The following DNAJC1 variants were observed in gnomAD, a reference collection of about 807,000 sequenced individuals.
DNAJC1 encodes the protein DnaJ heat shock protein family (Hsp40) member C1, also known as dnaJ homolog subfamily C member 1.
Under a neutral mutation model 76.6 loss-of-function variants are expected in DNAJC1, and 58 were observed. That is an observed-to-expected ratio of 0.76 (90% CI 0.61 to 0.94). The LOEUF (loss-of-function observed/expected upper bound fraction) is 0.94, where lower values mean the gene tolerates loss of function less well. Among genes scored for constraint, DNAJC1 ranks in the 40% least tolerant of loss-of-function variants. DNAJC1 has a pLI of 0.00. For synonymous variants in DNAJC1, 258 were observed against 267.9 expected (o/e 0.96, Z 0.36); for missense variants, 689 against 677.3 (o/e 1.02, Z -0.19).
chr10:21,879,169 T>G (rs1320733406), intron 8 of DNAJC1, among the ~76,000 whole-genome samples: 1 of 152,196 alleles, frequency 6.6e-6, no homozygotes, highest in Admixed American at 6.5e-5. Context: ...TCATTGAACT[T>G]GGCAATGGTT....
intron 9 of DNAJC1, among the ~76,000 whole-genome samples, chr10:21,799,493 A>G (rs1249691927): frequency 2.6e-5 from 4 of 152,022 alleles, no homozygotes; most frequent in Admixed American, 2.6e-4. Context: ...GTAAAGATGA[A>G]GGTTTCCCTA....
At chr10:21,936,293 T>C (rs529558613) in intron 1 of DNAJC1, among the ~76,000 whole-genome samples, 26 of 152,340 alleles carry the variant, frequency 1.7e-4, no homozygotes, top group Admixed American at 5.2e-4. Flanking sequence ...TCCCAGTCTC[T>C]AGAACCGTGA....
At chr10:21,825,113 CA>C (rs1306215715) in intron 8 of DNAJC1, among the ~76,000 whole-genome samples, 1 of 152,154 alleles carries the variant, frequency 6.6e-6, no homozygotes, top group African/African-American at 2.4e-5. Context: ...GTGCACCATT[CA>C]GTGGCATTAA....
chr10:21,990,928 A>G (rs1429583631), intron 1 of DNAJC1, among the ~76,000 whole-genome samples: 1 of 152,180 alleles, frequency 6.6e-6, no homozygotes, highest in Non-Finnish European at 1.5e-5. Flanking sequence ...ATCGTTAATT[A>G]ATCATTCAGT....
At chr10:21,798,767 T>C (rs921486628) in intron 9 of DNAJC1, among the ~76,000 whole-genome samples, 5 of 152,266 alleles carry the variant, frequency 3.3e-5, no homozygotes. Flanking sequence ...CTGGGTTCTT[T>C]CTAGCCTGTT....
intron 8 of DNAJC1, among the ~76,000 whole-genome samples, chr10:21,838,053 G>A (rs1387178021): frequency 2.7e-5 from 4 of 149,456 alleles, no homozygotes; most frequent in Non-Finnish European, 5.9e-5. Context: ...GGTGGGGGGC[G>A]CCTCTGCCTG....
At position 21,912,527 on chromosome 10, in the gene DNAJC1, C is replaced by T. The variant is rs116560173; in HGVS notation, c.729+6252G>A. On this transcript the variant is annotated intron_variant, in intron 6 of 11. Transcript: ENST00000376980. The stretch of plus-strand genomic sequence containing the variant: ...TTCCAGTTTGCCTGTATCCCTTTGT[C>T]CTGTAGCAGTAGTTTCAGCTTATAA... 2.8e-3 allele frequency among the ~76,000 whole-genome samples: 429 copies of T among 152,202 alleles called. 1 individual carries two copies. The highest frequency in any genetic ancestry group is 0.01 in the African/African-American group (418 of 41,514).
intron 9 of DNAJC1, among the ~76,000 whole-genome samples, chr10:21,795,581 A>G (rs1834742285): frequency 6.6e-6 from 1 of 152,218 alleles, no homozygotes; most frequent in South Asian, 2.1e-4. Flanking sequence ...GGATTGAGGG[A>G]ACACTTCGGG....
chr10:21,902,027 T>C (rs1184298451), intron 7 of DNAJC1, among the ~76,000 whole-genome samples: 2 of 152,212 alleles, frequency 1.3e-5, no homozygotes, highest in Admixed American at 1.3e-4. Context: ...CAGTCTGACA[T>C]TGTTAACAGT....
intron 1 of DNAJC1, among the ~76,000 whole-genome samples, chr10:21,979,700 T>C (rs962148721): frequency 1.3e-5 from 2 of 151,904 alleles, no homozygotes; most frequent in Non-Finnish European, 2.9e-5. Context: ...GATATCCTTA[T>C]TTATAATTTT....
intron 7 of DNAJC1, among the ~76,000 whole-genome samples, chr10:21,899,328 G>C (rs1836604563): frequency 6.6e-6 from 1 of 152,202 alleles, no homozygotes; most frequent in Non-Finnish European, 1.5e-5. Context: ...TGAATCCAGG[G>C]AGACAAGCAG....
chr10:21,906,966 T>C (rs929108697), intron 6 of DNAJC1, among the ~76,000 whole-genome samples: 4 of 152,112 alleles, frequency 2.6e-5, no homozygotes, highest in African/African-American at 4.8e-5. Flanking sequence ...TCACCAAAAT[T>C]CCCCTGCCAA....
chr10:21,764,210 G>C (rs775740184), intron 10 of DNAJC1, among the ~76,000 whole-genome samples: 16 of 152,166 alleles, frequency 1.1e-4, no homozygotes, highest in Non-Finnish European at 1.9e-4. Flanking sequence ...CCATTAAGAA[G>C]ATGATACAGA....
chr10:21,843,774 C>CT (rs1479933184), intron 8 of DNAJC1, among the ~76,000 whole-genome samples: 3 of 150,838 alleles, frequency 2.0e-5, no homozygotes, highest in East Asian at 3.9e-4. Flanking sequence ...AAGTCTCACT[C>CT]TGTCATCCAG....
At chr10:21,932,397 A>C (rs749394515) in intron 1 of DNAJC1, among the ~76,000 whole-genome samples, 2 of 152,214 alleles carry the variant, frequency 1.3e-5, no homozygotes, top group African/African-American at 2.4e-5. Context: ...AATGGAAACA[A>C]TGCAATGGCA....
At chr10:21,914,873 T>C (rs921347807) in intron 6 of DNAJC1, among the ~76,000 whole-genome samples, 19 of 152,310 alleles carry the variant, frequency 1.2e-4, no homozygotes, top group African/African-American at 4.6e-4. Context: ...TTTTTAGTTT[T>C]CTTTGGTCAT....
chr10:21,939,833 A>T (rs1312686104), intron 1 of DNAJC1, among the ~76,000 whole-genome samples: 2 of 151,690 alleles, frequency 1.3e-5, no homozygotes, highest in East Asian at 3.9e-4. Flanking sequence ...TGATTTATTG[A>T]TTAAAAGCTC....
At position 21,908,979 on chromosome 10, in the gene DNAJC1, G is replaced by A. The variant is rs151312706; in HGVS notation, c.730-4367C>T. On this transcript the variant is annotated intron_variant, in intron 6 of 11. Coordinates refer to ENST00000376980, the MANE Select transcript of DNAJC1 (RefSeq NM_022365.4). The stretch of plus-strand genomic sequence containing the variant: ...CAGCTCACTGCAACCTCCGCCTCCC[G>A]GGTTTAAGCAATTATCCCTGCCTCA... Among the ~76,000 whole-genome samples, 314 of 151,980 alleles carry A rather than the reference G, an allele frequency of 2.1e-3. 8 individuals carry two copies. In the East Asian group the frequency reaches 0.027, roughly 13 times the overall value.
chr10:21,776,213 AG>A (rs374245656), intron 9 of DNAJC1, among the ~76,000 whole-genome samples: 2 of 152,312 alleles, frequency 1.3e-5, no homozygotes, highest in African/African-American at 4.8e-5. Flanking sequence ...CACAGGCCAG[AG>A]CTAGGATCAG....
Sources: gnomAD v4.1 joint callset for allele counts (sites outside exome capture counted in the v4.1 genomes callset) on GRCh38, gnomAD v4.1.1 for gene constraint, MANE v1.5 for transcripts, NCBI Gene and HGNC (gene_info 2026-07-23, HGNC 2026-07-21) for gene names.